Variants in MYO1E observed in about 807,000 individuals in gnomAD.
The protein encoded by MYO1E is myosin IE, also known as unconventional myosin-Ie.
Under a neutral mutation model 151.1 loss-of-function variants are expected in MYO1E, and 68 were observed. That is an observed-to-expected ratio of 0.45 (90% CI 0.37 to 0.55). MYO1E has a LOEUF of 0.55. MYO1E is among the 20% of genes least tolerant of loss of function. MYO1E has a pLI of 0.00. For missense variants in MYO1E, 1,363 were observed against 1,389.3 expected, an observed-to-expected ratio of 0.98 and a Z score of 0.30; for synonymous variants, 601 against 501.7, an observed-to-expected ratio of 1.20 and a Z score of -2.64.
At chr15:59,359,759 T>C (rs1029745073) in intron 1 of MYO1E, 21 of 152,232 alleles carry the variant, frequency 1.4e-4, no homozygotes, top group Admixed American at 1.2e-3. Flanking sequence ...AGACTATGAA[T>C]GCCAAGATAT....
At chr15:59,274,428 T>C (rs2080306227) in intron 1 of MYO1E, among the ~76,000 whole-genome samples, 1 of 152,144 alleles carries the variant, frequency 6.6e-6, no homozygotes, top group Admixed American at 6.6e-5. Context: ...TCCCAGTGAT[T>C]CCTCCTCTCC....
At chr15:59,155,669 AC>A (rs1566966039) in intron 25 of MYO1E, among the ~76,000 whole-genome samples, 1 of 152,128 alleles carries the variant, frequency 6.6e-6, no homozygotes, top group Non-Finnish European at 1.5e-5. Context: ...GTAATATGAT[AC>A]TACAGTGCTT....
intron 6 of MYO1E, among the ~76,000 whole-genome samples, chr15:59,228,249 A>C (rs1486781969): frequency 6.6e-6 from 1 of 152,172 alleles, no homozygotes; most frequent in Non-Finnish European, 1.5e-5. Context: ...TTGAAGGCTG[A>C]GGCAGGTGGA....
At chr15:59,281,059 C>T (rs995580187) in intron 1 of MYO1E, among the ~76,000 whole-genome samples, 8 of 152,166 alleles carry the variant, frequency 5.3e-5, no homozygotes, top group Admixed American at 4.6e-4. Context: ...CCACCCATCA[C>T]CAGACCACAG....
rs192289583 is a variant in MYO1E at position 59,200,767 on chromosome 15, T to C, written c.1698+1559A>G. Among the ~76,000 whole-genome samples the C allele has an allele frequency of 1.1e-4, 16 of 152,316 alleles. No homozygotes were observed. The East Asian group carries it at 2.9e-3, about 28-fold the overall frequency. On this transcript the variant is annotated intron_variant, in intron 16 of 27. Transcript: ENST00000288235. ...TGCGTTACATGCTTCCAATGAATTA[T>C]GAAGCTGAATCATCACAGTAATCTC... is the stretch of plus-strand genomic sequence containing the variant.
At chr15:59,242,984 G>A (rs1263750104) in intron 4 of MYO1E, among the ~76,000 whole-genome samples, 1 of 152,140 alleles carries the variant, frequency 6.6e-6, no homozygotes, top group African/African-American at 2.4e-5. Context: ...CAGAGAAGCA[G>A]GAAGATGCAT....
chr15:59,199,266 T>A (rs1214458181), intron 16 of MYO1E, among the ~76,000 whole-genome samples: 1 of 152,090 alleles, frequency 6.6e-6, no homozygotes, highest in African/African-American at 2.4e-5. Context: ...CCAGCTAATT[T>A]TTGTATTTTT....
chr15:59,139,760 T>TACC (rs2079398350), intron 26 of MYO1E, among the ~76,000 whole-genome samples: 1 of 149,004 alleles, frequency 6.7e-6, no homozygotes, highest in South Asian at 2.2e-4. Flanking sequence ...TTCCCTCCCG[T>TACC]CCCTCATTAT....
At chr15:59,213,172 AT>A (rs2079891532) in intron 12 of MYO1E, among the ~76,000 whole-genome samples, 5 of 144,142 alleles carry the variant, frequency 3.5e-5, no homozygotes, top group Non-Finnish European at 7.6e-5. Context: ...TATTATTATT[AT>A]TATTATTATT....
chr15:59,243,850 A>C (rs2080114402), intron 4 of MYO1E, among the ~76,000 whole-genome samples: 1 of 151,990 alleles, frequency 6.6e-6, no homozygotes. Flanking sequence ...ACCACATCAA[A>C]GAAGGTCCTG....
At chr15:59,220,616 A>T (rs1182484066) in intron 9 of MYO1E, among the ~76,000 whole-genome samples, 1 of 152,190 alleles carries the variant, frequency 6.6e-6, no homozygotes, top group African/African-American at 2.4e-5. Flanking sequence ...GGCATGGACT[A>T]CCACTTCCCT....
At chr15:59,189,000 T>A (rs1474335115) in intron 17 of MYO1E, among the ~76,000 whole-genome samples, 1 of 152,216 alleles carries the variant, frequency 6.6e-6, no homozygotes, top group East Asian at 1.9e-4. Context: ...TAATTTCAAG[T>A]GTGTACATTA....
At position 59,277,559 on chromosome 15, in the gene MYO1E, A is replaced by C. The variant is rs1310037588; in HGVS notation, c.4-5110T>G. Among the ~76,000 whole-genome samples the C allele has an allele frequency of 1.7e-3, 246 of 147,280 alleles. 1 individual carries two copies. Among genetic ancestry groups the C allele is most frequent in the Admixed American group, 5.3e-3 (79 of 14,774 alleles). On this transcript the variant is annotated intron_variant, in intron 1 of 27. Coordinates refer to ENST00000288235, the MANE Select transcript of MYO1E (RefSeq NM_004998.4). ...ACTCCATCCCCCCACAAAAAAAAAA[A>C]AAAAAAAAAAAAAACATCAAAGCCT...
intron 26 of MYO1E, among the ~76,000 whole-genome samples, chr15:59,143,213 G>T (rs556069208): frequency 7.2e-4 from 109 of 152,330 alleles, no homozygotes; most frequent in African/African-American, 2.5e-3. Context: ...CATGCTGGCA[G>T]TGTAAGCCAT....
At chr15:59,182,315 C>T (rs951836128) in intron 18 of MYO1E, among the ~76,000 whole-genome samples, 4 of 152,080 alleles carry the variant, frequency 2.6e-5, no homozygotes, top group African/African-American at 7.2e-5. Flanking sequence ...CGGGTTCAAG[C>T]GATTCTCCTG....
intron 2 of MYO1E, 136 bp from the exon 3 acceptor site, chr15:59,261,645 C>T (rs978510847): frequency 1.5e-6 from 1 of 656,308 alleles, no homozygotes; most frequent in Non-Finnish European, 2.8e-6. Flanking sequence ...TAAAAGATTA[C>T]AAGTAAAGAC....
At chr15:59,296,647 G>A (rs1388638198) in intron 1 of MYO1E, among the ~76,000 whole-genome samples, 1 of 152,100 alleles carries the variant, frequency 6.6e-6, no homozygotes, top group Non-Finnish European at 1.5e-5. Flanking sequence ...AAGGGTGAGG[G>A]GCAGAGGGGA....
intron 4 of MYO1E, among the ~76,000 whole-genome samples, chr15:59,254,949 CTGAG>C (rs1344834135): frequency 6.6e-6 from 1 of 152,098 alleles, no homozygotes; most frequent in East Asian, 1.9e-4. Flanking sequence ...CCTCAGCCTC[CTGAG>C]TATCTGGGAC....
chr15:59,226,321 C>T (rs1405758947), intron 7 of MYO1E, among the ~76,000 whole-genome samples: 2 of 152,098 alleles, frequency 1.3e-5, no homozygotes, highest in African/African-American at 2.4e-5. Context: ...GTTTAATGTC[C>T]TTCTAATCCA....
Sources: gnomAD v4.1 joint callset for allele counts (sites outside exome capture counted in the v4.1 genomes callset) on GRCh38, gnomAD v4.1.1 for gene constraint, MANE v1.5 for transcripts, NCBI Gene and HGNC (gene_info 2026-07-23, HGNC 2026-07-21) for gene names.